The following SETD1A variants were observed in gnomAD, a reference collection of about 807,000 sequenced individuals.
The protein encoded by SETD1A is histone-lysine N-methyltransferase SETD1A.
A neutral mutation model predicts 149.9 loss-of-function variants in SETD1A; 29 were observed. The observed-to-expected ratio is 0.19, with a 90% CI of 0.14 to 0.26. The LOEUF is 0.26. Ranked by LOEUF, SETD1A falls within the 10% of genes least tolerant of loss-of-function variation. The pLI, the probability that SETD1A is intolerant of heterozygous loss-of-function variation, is 1.00. For synonymous variants in SETD1A, 1,141 were observed against 968.5 expected, an observed-to-expected ratio of 1.18 and a Z score of -3.31; for missense variants, 2,109 against 2,353.1, an observed-to-expected ratio of 0.90 and a Z score of 2.15.
intron 10 of SETD1A, among the ~76,000 whole-genome samples, chr16:30,968,285 C>T (rs572646130): frequency 3.8e-4 from 58 of 151,988 alleles, no homozygotes; most frequent in Non-Finnish European, 6.5e-4. Context: ...CACCTGTAAT[C>T]CCAGCTACTT....
In SETD1A at chr16:30,958,785, G is replaced by A; in HGVS notation, c.54G>A (p.Arg18=). Residue 18 remains arginine, a synonymous_variant, in exon 2 of 19, where the codon CGG becomes CGA. Transcript: ENST00000262519. ...AGAAGGCCCCGAGCTTCCAGTGGCGGAACTACAAGCTCATCGTGGATCCTG... is the reference window on the plus strand; with the variant it reads ...AGAAGGCCCCGAGCTTCCAGTGGCGAAACTACAAGCTCATCGTGGATCCTG... ...DGQKAPSFQW[R]NYKLIVDPAL... 1.2e-6 allele frequency: 2 copies of A among 1,614,152 alleles called. No homozygotes were observed. The highest frequency in any genetic ancestry group is 1.7e-6 in the Non-Finnish European group (2 of 1,179,958).
chr16:30,977,482 G>A (rs1375729438), intron 13 of SETD1A, among the ~76,000 whole-genome samples: 1 of 152,246 alleles, frequency 6.6e-6, no homozygotes, highest in Non-Finnish European at 1.5e-5. Flanking sequence ...AGAGGGATGG[G>A]CAGGTTCCCT....
chr16:30,965,714 G>A lies in SETD1A; in HGVS notation c.1833G>A (p.Pro611=), dbSNP rs555317237. Residue 611 remains proline, a synonymous_variant, in exon 8 of 19, where the codon CCG becomes CCA. Transcript: ENST00000262519. ...AGCCTCCGCCACCTCCCCCTCCCCC[G>A]CCGCCTCCTCCTCCCTACCTGGCGT... ...PQQPPPPPPP[P]PPPPPYLASL... is the part of the protein sequence containing the mutation. The A allele has an allele frequency of 9.8e-4, 228 of 233,224 alleles. 3 individuals carry two copies. The highest frequency in any genetic ancestry group is 9.0e-3 in the South Asian group (193 of 21,334). The allele number at this position is 233,224 out of a possible 1,614,324, so 14.4% of individuals were successfully genotyped here.
chr16:30,971,644 C>A lies in SETD1A; in HGVS notation c.3283C>A (p.Pro1095Thr). The A allele has an allele frequency of 6.2e-7, 1 of 1,611,692 alleles. No individual in the cohort carries two copies. The highest frequency in any genetic ancestry group is 8.5e-7 in the Non-Finnish European group (1 of 1,178,372). ...PVPTPAPVEVPVPERVAGSPV... is the reference protein window; with the variant it reads ...PVPTPAPVEVTVPERVAGSPV... The stretch of plus-strand genomic sequence containing the variant: ...GCCCACGCCAGCACCTGTGGAGGTG[C>A]CAGTGCCGGAAAGGGTTGCAGGCTC... The change falls in exon 13 of 19, where the codon CCA becomes ACA. Residue 1095 changes from proline (P) to threonine (T), a missense_variant. Physicochemically the swap from Pro to Thr is conservative, Grantham distance 38. Coordinates refer to ENST00000262519, the MANE Select transcript of SETD1A (RefSeq NM_014712.3).
chr16:30,959,237 A>T, intron 3 of SETD1A, 51 bp downstream of exon 3: 1 of 1,190,602 alleles, frequency 8.4e-7, no homozygotes. Flanking sequence ...GGTGTGGAGG[A>T]TGCGTCTTGG....
intron 17 of SETD1A, among the ~76,000 whole-genome samples, chr16:30,981,583 C>T (rs1018414355): frequency 1.3e-5 from 2 of 152,178 alleles, no homozygotes; most frequent in African/African-American, 4.8e-5. Flanking sequence ...CCATGTTGGC[C>T]AGGATGGTCT....
chr16:30,966,666 T>C lies in SETD1A; in HGVS notation c.2506-218T>C, dbSNP rs149743008. Among the ~76,000 whole-genome samples, 165 of 152,324 alleles carry C rather than the reference T, an allele frequency of 1.1e-3. 1 individual carries two copies. In the East Asian group the frequency reaches 0.011, roughly 10 times the overall value. On this transcript the variant is annotated intron_variant, in intron 8 of 18. Transcript: ENST00000262519. ...CTCTTCAAGCTTTGGTCTTCCATTT[T>C]GCCACTTGTGAAGTGGGAATGGTGG...
In SETD1A at chr16:30,971,405, C is replaced by T; in HGVS notation, c.3044C>T (p.Ser1015Phe). ...GAGGACGAGGAAAGCGATTCGTCTT[C>T]CAAATGTTCTCTGTATGCTGACTCA... is the stretch of plus-strand genomic sequence containing the variant. ...DGEDEESDSSSKCSLYADSDG... is the reference protein window; with the variant it reads ...DGEDEESDSSFKCSLYADSDG... Residue 1015 changes from serine (S) to phenylalanine (F), a missense_variant, in exon 13 of 19, where the codon TCC (serine) becomes TTC (phenylalanine). Ser to Phe is a radical substitution (Grantham distance 155, BLOSUM62 -2). Coordinates refer to ENST00000262519, the MANE Select transcript of SETD1A (RefSeq NM_014712.3). The T allele has an allele frequency of 6.3e-7, 1 of 1,598,094 alleles. No homozygotes were observed. Among genetic ancestry groups the T allele is most frequent in the Non-Finnish European group, 8.6e-7 (1 of 1,168,502 alleles).
At chr16:30,962,549 C>T (rs1042026845) in intron 4 of SETD1A, among the ~76,000 whole-genome samples, 3 of 152,160 alleles carry the variant, frequency 2.0e-5, no homozygotes, top group Non-Finnish European at 2.9e-5. Context: ...GGGTCTGTGG[C>T]GAGCTGCAGA....
intron 13 of SETD1A, among the ~76,000 whole-genome samples, chr16:30,978,338 A>G (rs546135544): frequency 1.1e-4 from 16 of 151,550 alleles, no homozygotes; most frequent in South Asian, 1.0e-3. Context: ...GAGTTACTCT[A>G]CGTAAGAGGT....
In SETD1A at chr16:30,983,743, C is replaced by T. The variant is rs1354922750; in HGVS notation, c.4921C>T (p.Leu1641=). The T allele has an allele frequency of 1.1e-5, 17 of 1,614,170 alleles. No individual in the cohort carries two copies. The highest frequency in any genetic ancestry group is 1.4e-5 in the Non-Finnish European group (17 of 1,180,010). ...TIIDATKCGN[L]ARFINHCCTP... ...CATCGATGCCACCAAGTGTGGCAAC[C>T]TGGCCAGATTCATCAACCACTGCTG... The change falls in exon 18 of 19, where the codon CTG becomes TTG. Residue 1641 remains leucine (L), a synonymous_variant. Coordinates refer to ENST00000262519, the MANE Select transcript of SETD1A (RefSeq NM_014712.3). The surrounding 1 kb of genome is among the most constrained non-coding windows in gnomAD (Gnocchi z 6.8).
At chr16:30,958,168 G>C (rs1048054636) in intron 1 of SETD1A, 2 of 150,928 alleles carry the variant, frequency 1.3e-5, no homozygotes, top group East Asian at 3.9e-4. Context: ...ACCTGCTGGG[G>C]GGGGTGCAGA....
chr16:30,963,847 C>T (rs1280885002), intron 5 of SETD1A, among the ~76,000 whole-genome samples: 4 of 152,136 alleles, frequency 2.6e-5, no homozygotes, highest in Non-Finnish European at 5.9e-5. Flanking sequence ...AAAAAATTAG[C>T]CAGGCATGGT....
intron 5 of SETD1A, 65 bp downstream of exon 5, chr16:30,963,619 G>A: frequency 1.3e-6 from 2 of 1,529,596 alleles, no homozygotes; most frequent in South Asian, 1.2e-5. Context: ...GCCCGGAGCA[G>A]GAGCAGTCTT....
In SETD1A at chr16:30,963,424, TC is replaced by T. The variant is rs1312072903; in HGVS notation, c.518-6del. ...ATCTGACAATTGGTTCCCATTTCCC[TC>T]CCTCCAGGACAACAACGAATGAAAT... On this transcript the variant is annotated splice_region_variant and splice_polypyrimidine_tract_variant and intron_variant, in intron 4 of 18. Transcript: ENST00000262519. 47 of 1,588,974 alleles carry T rather than the reference TC, an allele frequency of 3.0e-5. No homozygotes were observed. The highest frequency in any genetic ancestry group is 3.9e-5 in the Non-Finnish European group (46 of 1,167,790).
At chr16:30,974,733 G>A (rs1037644456) in intron 13 of SETD1A, among the ~76,000 whole-genome samples, 2 of 152,146 alleles carry the variant, frequency 1.3e-5, no homozygotes, top group Non-Finnish European at 2.9e-5. Context: ...GGGGCCGGGC[G>A]CAGTGGCTCA....
chr16:30,973,887 C>T (rs189839508), intron 13 of SETD1A, among the ~76,000 whole-genome samples: 6 of 152,206 alleles, frequency 3.9e-5, no homozygotes, highest in East Asian at 3.9e-4. Context: ...GTGGGGTCAC[C>T]GGCAGGTCAG....
intron 4 of SETD1A, among the ~76,000 whole-genome samples, chr16:30,962,396 A>G (rs919945559): frequency 2.6e-5 from 4 of 152,084 alleles, no homozygotes; most frequent in Non-Finnish European, 5.9e-5. Context: ...CTATTCTATA[A>G]CCCATATAGG....
In SETD1A at chr16:30,965,643, G is replaced by A. The variant is rs2056130111; in HGVS notation, c.1762G>A (p.Asp588Asn). 1.2e-6 allele frequency: 2 copies of A among 1,612,516 alleles called. No individual in the cohort carries two copies. The highest frequency in any genetic ancestry group is 1.7e-6 in the Non-Finnish European group (2 of 1,179,566). ...SSGDDMEISDDDRGGSPPPAP... is the reference protein window; with the variant it reads ...SSGDDMEISDNDRGGSPPPAP... ...TGGAGACGACATGGAGATCTCCGAC[G>A]ACGACCGGGGTGGCTCACCCCCTCC... Residue 588 changes from aspartate (D) to asparagine (N), a missense_variant, in exon 8 of 19, where the codon GAC (aspartate) becomes AAC (asparagine). By Grantham distance (23) the Asp-to-Asn change is conservative. This residue lies in a region of SETD1A where 431 missense variants were observed against 388.6 expected (regional missense o/e 1.11). Coordinates refer to ENST00000262519, the MANE Select transcript of SETD1A (RefSeq NM_014712.3).
Sources: allele counts gnomAD v4.1 joint callset (sites outside exome capture counted in the v4.1 genomes callset), GRCh38; gene constraint gnomAD v4.1.1; regional missense constraint gnomAD v4.1.1; non-coding constraint Gnocchi (gnomAD v3.1); transcripts MANE v1.5; gene names NCBI Gene and HGNC (gene_info 2026-07-23, HGNC 2026-07-21).